MIS18BP1: variants seen among roughly 807,000 people sequenced by gnomAD.
MIS18BP1 encodes mis18-binding protein 1.
In MIS18BP1, 72 loss-of-function variants were observed where a neutral mutation model predicts 116.1. That is an observed-to-expected ratio of 0.62 (90% confidence interval 0.51 to 0.75). The LOEUF (loss-of-function observed/expected upper bound fraction) is 0.75. MIS18BP1 is among the 30% of genes least tolerant of loss of function. The pLI, the probability that MIS18BP1 is intolerant of heterozygous loss-of-function variation, is 0.00. For synonymous variants in MIS18BP1, 386 were observed against 427.0 expected (o/e 0.90, Z 1.18); for missense variants, 1,363 against 1,303.2 (o/e 1.05, Z -0.71).
chr14:45,231,337 T>TC (rs1891273654), intron 7 of MIS18BP1, 39 bp from the exon 8 acceptor site: 1 of 1,489,346 alleles, frequency 6.7e-7, no homozygotes, highest in Admixed American at 2.3e-5. Flanking sequence ...TAATACTGAT[T>TC]CTCAAAAAAA....
chr14:45,237,795 T>TA, intron 4 of MIS18BP1, 74 bp from the exon 5 acceptor site: 1 of 1,505,520 alleles, frequency 6.6e-7, no homozygotes, highest in Non-Finnish European at 8.8e-7. Context: ...TAACTTACAT[T>TA]AAAAGAAAAA....
rs545414576 is a variant in MIS18BP1 at position 45,224,364 on chromosome 14, A to C, written c.2223T>G (p.Phe741Leu). ...LEKEQMLTSD[F>L]KKNTRLLPKL... ...TTGGTAATAGTCTGGTATTTTTCTTAAAGTCAGAGGTGAGCATTTGTTCCT... is the reference window on the plus strand; with the variant it reads ...TTGGTAATAGTCTGGTATTTTTCTTCAAGTCAGAGGTGAGCATTTGTTCCT... Residue 741 changes from phenylalanine to leucine, a missense_variant, in exon 11 of 17, where the codon TTT becomes TTG. Transcript: ENST00000310806. 274 of 1,613,400 alleles carry C rather than the reference A, an allele frequency of 1.7e-4. 6 individuals are homozygous for C. In the South Asian group the frequency reaches 2.9e-3, roughly 17 times the overall value.
At chr14:45,209,551 T>G (rs1214914816) in intron 14 of MIS18BP1, among the ~76,000 whole-genome samples, 1 of 152,114 alleles carries the variant, frequency 6.6e-6, no homozygotes. Flanking sequence ...ATGCTGGTCT[T>G]GAACTCCTGG....
chr14:45,213,529 A>G (rs1890731957), intron 13 of MIS18BP1, among the ~76,000 whole-genome samples: 1 of 152,246 alleles, frequency 6.6e-6, no homozygotes, highest in African/African-American at 2.4e-5. Context: ...TCTGTAAATA[A>G]TCAGATAGGG....
intron 13 of MIS18BP1, among the ~76,000 whole-genome samples, chr14:45,215,151 T>C (rs1245866939): frequency 1.3e-5 from 2 of 152,216 alleles, no homozygotes; most frequent in Non-Finnish European, 2.9e-5. Flanking sequence ...TAGTGGACCA[T>C]AGCGTTTTGA....
At chr14:45,207,552 G>A (rs1220261278) in intron 14 of MIS18BP1, among the ~76,000 whole-genome samples, 3 of 152,178 alleles carry the variant, frequency 2.0e-5, no homozygotes, top group Non-Finnish European at 4.4e-5. Flanking sequence ...TTGGGAGGCT[G>A]AGGCATGAGA....
At chr14:45,245,755 T>G (rs1444948375) in intron 2 of MIS18BP1, among the ~76,000 whole-genome samples, 1 of 152,238 alleles carries the variant, frequency 6.6e-6, no homozygotes, top group Admixed American at 6.5e-5. Context: ...TACTCCTTGA[T>G]GACCTCATCT....
Position 45,204,194 on chromosome 14 carries a change from C to G in MIS18BP1, c.3314G>C (p.Gly1105Ala). The G allele has an allele frequency of 2.5e-6, 4 of 1,609,612 alleles. No individual in the cohort carries two copies. The highest frequency in any genetic ancestry group is 3.4e-6 in the Non-Finnish European group (4 of 1,178,444). Residue 1105 changes from glycine (G) to alanine (A), a missense_variant, in exon 17 of 17, where the codon GGT becomes GCT. By Grantham distance (60) the Gly-to-Ala change is moderately conservative (BLOSUM62 0). Coordinates refer to ENST00000310806, the MANE Select transcript of MIS18BP1 (RefSeq NM_018353.5). ...AGCATTAGTGAAAAGTTTTCCAATACCAGAGTTTTCTCCTAAGTCTGTAAA... is the reference window on the plus strand; with the variant it reads ...AGCATTAGTGAAAAGTTTTCCAATAGCAGAGTTTTCTCCTAAGTCTGTAAA... ...PFNTDLGENSGIGKLFTNAVE... is the reference protein window; with the variant it reads ...PFNTDLGENSAIGKLFTNAVE...
At position 45,224,204 on chromosome 14, in the gene MIS18BP1, T is replaced by C. The variant is rs143807895; in HGVS notation, c.2383A>G (p.Asn795Asp). 9.7e-5 allele frequency: 156 copies of C among 1,613,956 alleles called. No homozygotes were observed. Among genetic ancestry groups the C allele is most frequent in the Non-Finnish European group, 1.2e-4 (147 of 1,180,032 alleles). Residue 795 changes from asparagine (N) to aspartate (D), a missense_variant, in exon 11 of 17, where the codon AAC (asparagine) becomes GAC (aspartate). Asn to Asp is a conservative substitution (Grantham distance 23, BLOSUM62 1). Coordinates refer to ENST00000310806, the MANE Select transcript of MIS18BP1 (RefSeq NM_018353.5). ...AGGTGAACCACTGCTTCTTTGGTGT[T>C]TCCTGCTTTGGTTTTCTTAACTTCA... Reference protein sequence around the residue: ...KAEVKKTKAGNTKEAVVHLRK... With the variant: ...KAEVKKTKAGDTKEAVVHLRK...
intron 2 of MIS18BP1, among the ~76,000 whole-genome samples, chr14:45,245,924 CTTAG>C (rs1404961140): frequency 1.3e-5 from 2 of 152,154 alleles, no homozygotes; most frequent in Non-Finnish European, 1.5e-5. Context: ...ATAACAAAAT[CTTAG>C]TTAATGAGCC....
At chr14:45,209,663 A>G (rs1890622268) in intron 14 of MIS18BP1, among the ~76,000 whole-genome samples, 1 of 152,194 alleles carries the variant, frequency 6.6e-6, no homozygotes, top group South Asian at 2.1e-4. Context: ...AGTTCATTTA[A>G]TTAGTCCCTA....
chr14:45,204,585 T>C (rs1481939400), intron 15 of MIS18BP1, 132 bp from the exon 16 acceptor site: 3 of 584,088 alleles, frequency 5.1e-6, no homozygotes, highest in Non-Finnish European at 8.7e-6. Context: ...AATCACATTA[T>C]AATTATCTGT....
intron 1 of MIS18BP1, among the ~76,000 whole-genome samples, chr14:45,248,055 G>GTTT (rs3036381): frequency 0.07 from 7,643 of 109,066 alleles, 363 homozygotes; most frequent in South Asian, 0.11. Flanking sequence ...TGTTTCTTTC[G>GTTT]TTTTTTTTTT....
chr14:45,236,591 G>A (rs1263293911), intron 5 of MIS18BP1, among the ~76,000 whole-genome samples: 2 of 152,108 alleles, frequency 1.3e-5, no homozygotes, highest in Non-Finnish European at 2.9e-5. Context: ...TAAGCATGAC[G>A]AATAAGGAAA....
intron 7 of MIS18BP1, among the ~76,000 whole-genome samples, chr14:45,231,906 C>T (rs1891288216): frequency 6.6e-6 from 1 of 151,936 alleles, no homozygotes; most frequent in African/African-American, 2.4e-5. Flanking sequence ...AAGTAGCAGA[C>T]ACTCCATAAC....
Position 45,235,840 on chromosome 14 carries a change from A to C in MIS18BP1, c.1322T>G (p.Ile441Arg). The C allele has an allele frequency of 6.2e-7, 1 of 1,607,764 alleles. No homozygotes were observed. The highest frequency in any genetic ancestry group is 1.3e-5 in the African/African-American group (1 of 74,698). The change falls in exon 6 of 17, where the codon ATA (isoleucine) becomes AGA (arginine). Residue 441 changes from isoleucine to arginine, a missense_variant. Transcript: ENST00000310806. ...TGCTTCTTTCATGGAAATTTGGTCTATCATGCCTTTTAATATATAAACGTT... is the reference window on the plus strand; with the variant it reads ...TGCTTCTTTCATGGAAATTTGGTCTCTCATGCCTTTTAATATATAAACGTT... ...SGNVYILKGM[I>R]DQISMKEAGY...
chr14:45,226,648 CAT>C, intron 10 of MIS18BP1, 93 bp downstream of exon 10: 1 of 1,013,648 alleles, frequency 9.9e-7, no homozygotes, highest in Non-Finnish European at 1.3e-6. Flanking sequence ...TGCCATTTTA[CAT>C]GAGGAAATTT....
At position 45,224,387 on chromosome 14, in the gene MIS18BP1, C is replaced by A. The variant is rs1891064565; in HGVS notation, c.2200G>T (p.Glu734Ter). Residue 734 changes from glutamate (E) to a stop codon, truncating the protein, a stop_gained, in exon 11 of 17, where the codon GAA becomes TAA. Coordinates refer to ENST00000310806, the MANE Select transcript of MIS18BP1 (RefSeq NM_018353.5). LOFTEE classifies it high-confidence loss of function. ...RKIKISNLEK[E>*]QMLTSDFKKN... ...TTAAAGTCAGAGGTGAGCATTTGTT[C>A]CTTTTCAAGGTTAGATATTTTTATT... The A allele has an allele frequency of 6.2e-7, 1 of 1,613,394 alleles. No homozygotes were observed. The highest frequency in any genetic ancestry group is 8.5e-7 in the Non-Finnish European group (1 of 1,179,828).
In MIS18BP1 at chr14:45,224,278, T is replaced by G; in HGVS notation, c.2309A>C (p.Asp770Ala). The G allele has an allele frequency of 6.2e-7, 1 of 1,613,948 alleles. No individual in the cohort carries two copies. The highest frequency in any genetic ancestry group is 8.5e-7 in the Non-Finnish European group (1 of 1,179,962). The change falls in exon 11 of 17, where the codon GAT (aspartate) becomes GCT (alanine). Residue 770 changes from aspartate to alanine, a missense_variant. Transcript: ENST00000310806. ...MSFYKHQSSP[D>A]LSSEESETEK... Reference sequence around the variant, plus strand: ...TGTTTCACTTTCTTCACTTGACAAATCTGGTGAGGACTGATGCTTATAAAA... The same window carrying G: ...TGTTTCACTTTCTTCACTTGACAAAGCTGGTGAGGACTGATGCTTATAAAA...
Sources: gnomAD v4.1 joint callset for allele counts (sites outside exome capture counted in the v4.1 genomes callset) on GRCh38, gnomAD v4.1.1 for gene constraint, MANE v1.5 for transcripts, NCBI Gene and HGNC (gene_info 2026-07-23, HGNC 2026-07-21) for gene names.